GALNT13: variants seen among roughly 807,000 people sequenced by gnomAD.
GALNT13 encodes the protein UDP-GalNAc:polypeptide N-acetylgalactosaminyltransferase 13.
GALNT13 carries 28 observed loss-of-function variants against 64.2 expected under a neutral mutation model. That is an observed-to-expected ratio of 0.44 (90% CI 0.32 to 0.60). GALNT13 has a LOEUF of 0.60. GALNT13 is among the 20% of genes least tolerant of loss of function. GALNT13 has a pLI of 0.05. For missense variants in GALNT13, 577 were observed against 669.8 expected (o/e 0.86, Z 1.53); for synonymous variants, 214 against 224.6 (o/e 0.95, Z 0.42).
the GALNT13 span, among the ~76,000 whole-genome samples, chr2:153,250,626 C>G: frequency 3.8e-4 from 58 of 152,132 alleles, no homozygotes; most frequent in African/African-American, 1.4e-3. Context: ...GACTTGGAAC[C>G]AACCCAAATG....
chr2:154,390,433 C>T (rs893879756), intron 9 of GALNT13, among the ~76,000 whole-genome samples: 1 of 152,106 alleles, frequency 6.6e-6, no homozygotes, highest in Non-Finnish European at 1.5e-5. Context: ...TATGTGTCCA[C>T]ATGTCCTCAT....
the GALNT13 span, among the ~76,000 whole-genome samples, chr2:153,657,037 A>G: frequency 6.6e-6 from 1 of 152,072 alleles, no homozygotes; most frequent in South Asian, 2.1e-4. Flanking sequence ...GGAAAAATGG[A>G]AAAGGGATGA....
intron 3 of GALNT13, among the ~76,000 whole-genome samples, chr2:154,102,045 C>G (rs1369617352): frequency 6.6e-6 from 1 of 152,080 alleles, no homozygotes; most frequent in East Asian, 1.9e-4. Flanking sequence ...TTTACCAAGA[C>G]TTGCTTTATT....
At chr2:154,323,181 A>G (rs933752670) in intron 9 of GALNT13, among the ~76,000 whole-genome samples, 4 of 151,340 alleles carry the variant, frequency 2.6e-5, no homozygotes, top group South Asian at 2.1e-4. Flanking sequence ...CTGTCATCCT[A>G]GATACTTGAG....
the GALNT13 span, among the ~76,000 whole-genome samples, chr2:153,497,530 T>A: frequency 7.0e-3 from 633 of 90,890 alleles, 1 homozygote; most frequent in Non-Finnish European, 8.5e-3. Flanking sequence ...GCATTTTTTT[T>A]TTTTTTTTTT....
chr2:153,690,774 A>G, the GALNT13 span, among the ~76,000 whole-genome samples: 1 of 152,290 alleles, frequency 6.6e-6, no homozygotes, highest in South Asian at 2.1e-4. Flanking sequence ...CCCCTAAAAA[A>G]GGAACCCAGT....
intron 10 of GALNT13, among the ~76,000 whole-genome samples, chr2:154,407,516 G>A (rs2105388359): frequency 6.6e-6 from 1 of 152,134 alleles, no homozygotes; most frequent in Admixed American, 6.5e-5. Flanking sequence ...GTCCTGAAAG[G>A]TCTTTTGCCT....
chr2:153,946,040 A>G (rs1438607133), intron 3 of GALNT13, among the ~76,000 whole-genome samples: 6 of 152,294 alleles, frequency 3.9e-5, no homozygotes, highest in Non-Finnish European at 7.4e-5. Context: ...ACAAATGAAC[A>G]TGGGGAATGA....
At chr2:153,961,919 G>A (rs1391593057) in intron 3 of GALNT13, among the ~76,000 whole-genome samples, 1 of 152,162 alleles carries the variant, frequency 6.6e-6, no homozygotes, top group African/African-American at 2.4e-5. Context: ...ACCTAAAACA[G>A]TGCCTGGCTT....
chr2:153,126,415 A>C, the GALNT13 span, among the ~76,000 whole-genome samples: 1 of 150,676 alleles, frequency 6.6e-6, no homozygotes, highest in Non-Finnish European at 1.5e-5. Context: ...ACGAATAAAC[A>C]ATGCTCTACT....
chr2:154,221,239 C>G (rs964974877), intron 4 of GALNT13, among the ~76,000 whole-genome samples: 2 of 151,882 alleles, frequency 1.3e-5, no homozygotes, highest in Non-Finnish European at 2.9e-5. Context: ...GCCTGCTTTC[C>G]TTATCATACG....
the GALNT13 span, among the ~76,000 whole-genome samples, chr2:153,394,567 A>G: frequency 6.6e-6 from 1 of 152,090 alleles, no homozygotes; most frequent in Non-Finnish European, 1.5e-5. Flanking sequence ...ACAGTTATAA[A>G]ACTTAGCATG....
intron 11 of GALNT13, 57 bp downstream of exon 11, chr2:154,409,139 A>G (rs775235142): frequency 9.7e-7 from 1 of 1,025,830 alleles, no homozygotes; most frequent in Non-Finnish European, 1.6e-6. Context: ...TGTTAAAACT[A>G]TCAGTGGAGA....
the GALNT13 span, among the ~76,000 whole-genome samples, chr2:153,656,592 A>G: frequency 6.6e-6 from 1 of 152,124 alleles, no homozygotes; most frequent in Non-Finnish European, 1.5e-5. Context: ...GTATAGTGAT[A>G]AAGTTCTTGT....
At chr2:153,917,371 A>G (rs1447386417) in intron 2 of GALNT13, among the ~76,000 whole-genome samples, 1 of 152,126 alleles carries the variant, frequency 6.6e-6, no homozygotes, top group East Asian at 1.9e-4. Flanking sequence ...CACACAGAAT[A>G]TTTCTAACCC....
At chr2:153,254,223 C>T in the GALNT13 span, among the ~76,000 whole-genome samples, 1 of 152,134 alleles carries the variant, frequency 6.6e-6, no homozygotes, top group South Asian at 2.1e-4. Flanking sequence ...AGGAATTTAT[C>T]CATTTCTTCT....
downstream of GALNT13, among the ~76,000 whole-genome samples, chr2:154,456,156 T>C (rs1371240637): frequency 1.3e-5 from 2 of 148,978 alleles, no homozygotes; most frequent in African/African-American, 4.9e-5. Flanking sequence ...TTGTTTTTTT[T>C]TTTTTGTATT....
At chr2:154,258,916 T>C in intron 7 of GALNT13, 105 bp from the exon 8 acceptor site, 1 of 622,066 alleles carries the variant, frequency 1.6e-6, no homozygotes, top group Non-Finnish European at 2.8e-6. Context: ...TAGTTTGAGA[T>C]TTTTTAAATA....
the GALNT13 span, among the ~76,000 whole-genome samples, chr2:153,715,028 C>T: frequency 6.6e-6 from 1 of 151,968 alleles, no homozygotes; most frequent in Admixed American, 6.6e-5. Context: ...GTAGCTCACT[C>T]TCTCTGTGTC....
Sources: gnomAD v4.1 joint callset for allele counts (sites outside exome capture counted in the v4.1 genomes callset) on GRCh38, gnomAD v4.1.1 for gene constraint, MANE v1.5 for transcripts, NCBI Gene and HGNC (gene_info 2026-07-23, HGNC 2026-07-21) for gene names.